The following ITIH5 variants were observed in gnomAD, a reference collection of about 807,000 sequenced individuals.
ITIH5 encodes inter-alpha-trypsin inhibitor heavy chain H5.
A neutral mutation model predicts 77.5 loss-of-function variants in ITIH5; 65 were observed. That is an observed-to-expected ratio of 0.84 (90% confidence interval 0.69 to 1.03). The LOEUF (loss-of-function observed/expected upper bound fraction) is 1.03, where lower values mean the gene tolerates loss of function less well. Among genes scored for constraint, ITIH5 ranks in the 50% least tolerant of loss-of-function variants. The pLI is 0.00. For missense variants in ITIH5, 1,208 were observed against 1,213.1 expected, an observed-to-expected ratio of 1.00 and a Z score of 0.06; for synonymous variants, 525 against 494.3, an observed-to-expected ratio of 1.06 and a Z score of -0.82.
At chr10:7,579,522 T>C (rs1031509714) in intron 9 of ITIH5, among the ~76,000 whole-genome samples, 38 of 145,434 alleles carry the variant, frequency 2.6e-4, no homozygotes, top group Admixed American at 2.3e-3. Context: ...CGAAACTCCA[T>C]CACAAGAAAA....
chr10:7,633,899 C>A (rs1160168951), intron 5 of ITIH5, among the ~76,000 whole-genome samples: 2 of 151,858 alleles, frequency 1.3e-5, no homozygotes, highest in East Asian at 3.9e-4. Context: ...ACCATCCTGG[C>A]TAACACAGTG....
intron 12 of ITIH5, among the ~76,000 whole-genome samples, chr10:7,568,837 C>T (rs1832237709): frequency 6.6e-6 from 1 of 152,116 alleles, no homozygotes; most frequent in African/African-American, 2.4e-5. Flanking sequence ...CATACATGTT[C>T]ACGGCACACA....
chr10:7,569,446 A>G (rs1260812660), intron 12 of ITIH5: 1 of 413,456 alleles, frequency 2.4e-6, no homozygotes, highest in East Asian at 3.5e-5. Context: ...CAAGGGAAAC[A>G]ACTCCCAAGG....
chr10:7,567,319 T>TTTTTTATTA (rs71515477), intron 12 of ITIH5, among the ~76,000 whole-genome samples: 164 of 139,492 alleles, frequency 1.2e-3, no homozygotes, highest in African/African-American at 1.5e-3. Context: ...TCGGACATCT[T>TTTTTTATTA]TTATTATTAT....
At position 7,566,147 on chromosome 10, in the gene ITIH5, T is replaced by C. The variant is rs747291096; in HGVS notation, c.2410A>G (p.Ile804Val). 2 of 1,614,100 alleles carry C rather than the reference T, an allele frequency of 1.2e-6. No homozygotes were observed. The highest frequency in any genetic ancestry group is 2.2e-5 in the East Asian group (1 of 44,880). The stretch of plus-strand genomic sequence containing the variant: ...AGGTGGATGAGGATGACAAAGGCTA[T>C]GGAGCCCTGGATGGTGACGGTGACA... ...ANVTVTIQGS[I>V]AFVILIHLYK... Residue 804 changes from isoleucine (I) to valine (V), a missense_variant, in exon 13 of 14, where the codon ATA becomes GTA. Coordinates refer to ENST00000397146, the MANE Select transcript of ITIH5 (RefSeq NM_030569.7).
chr10:7,563,030 G>T lies in ITIH5; in HGVS notation c.*53C>A. On this transcript the variant is annotated 3_prime_UTR_variant, in exon 14 of 14. Transcript: ENST00000397146. ...CAAGCCATGAAAAGAGCTGCCCCAC[G>T]GCCTCCCCACATCACTGTCCTTCAT... The T allele has an allele frequency of 6.5e-7, 1 of 1,527,588 alleles. No individual in the cohort carries two copies. Among genetic ancestry groups the T allele is most frequent in the Non-Finnish European group, 9.1e-7 (1 of 1,101,706 alleles). The allele number at this position is 1,527,588 out of a possible 1,614,324, so 94.6% of individuals were successfully genotyped here. A position where few individuals can be genotyped will look rare whatever the true frequency, so the allele number is the denominator to read the frequency against.
chr10:7,650,148 G>A (rs913293523), intron 2 of ITIH5, among the ~76,000 whole-genome samples: 1 of 152,198 alleles, frequency 6.6e-6, no homozygotes, highest in Non-Finnish European at 1.5e-5. Flanking sequence ...AGCCACCCGA[G>A]GATGTCCTGA....
At chr10:7,663,622 C>A (rs1337235319) in intron 1 of ITIH5, among the ~76,000 whole-genome samples, 1 of 151,980 alleles carries the variant, frequency 6.6e-6, no homozygotes, top group Non-Finnish European at 1.5e-5. Flanking sequence ...TTTTTTCCTT[C>A]AAGAGGGTCC....
At chr10:7,592,742 T>A (rs772754200) in intron 7 of ITIH5, among the ~76,000 whole-genome samples, 6 of 152,208 alleles carry the variant, frequency 3.9e-5, no homozygotes, top group Non-Finnish European at 8.8e-5. Context: ...TGGGCCCTTC[T>A]CACCCTGGTT....
At chr10:7,574,232 G>A (rs866731054) in intron 10 of ITIH5, among the ~76,000 whole-genome samples, 1 of 152,094 alleles carries the variant, frequency 6.6e-6, no homozygotes, top group African/African-American at 2.4e-5. Context: ...GTTAGTACTA[G>A]GTAAAATTGT....
At chr10:7,597,044 C>CAAACAAAAAAAAAAAAAA (rs1832914591) in intron 7 of ITIH5, among the ~76,000 whole-genome samples, 1 of 36,920 alleles carries the variant, frequency 2.7e-5, no homozygotes, top group Non-Finnish European at 6.3e-5. Context: ...GTCTCCAACT[C>CAAACAAAAAAAAAAAAAA]AAAAAAAAAA....
chr10:7,569,357 A>C (rs1227499069), intron 12 of ITIH5: 3 of 237,204 alleles, frequency 1.3e-5, no homozygotes, highest in African/African-American at 6.7e-5. Flanking sequence ...CATTTAAAAA[A>C]CAACTTCATA....
intron 5 of ITIH5, among the ~76,000 whole-genome samples, chr10:7,634,087 T>G (rs1380415939): frequency 2.9e-5 from 1 of 34,332 alleles, no homozygotes; most frequent in Non-Finnish European, 5.3e-5. Flanking sequence ...AGACTCCGTC[T>G]CAAAAAAAAA....
At chr10:7,629,050 TCCATGTTGTAGCGTGTGC>T (rs1227695945) in intron 5 of ITIH5, among the ~76,000 whole-genome samples, 24 of 140,996 alleles carry the variant, frequency 1.7e-4, no homozygotes, top group African/African-American at 3.7e-4. Context: ...GTAGCGTGTG[TCCATGTTGTAGCGTGTGC>T]CCATGTTGTA....
At chr10:7,637,805 G>A (rs1053651075) in intron 4 of ITIH5, among the ~76,000 whole-genome samples, 2 of 152,176 alleles carry the variant, frequency 1.3e-5, no homozygotes, top group Non-Finnish European at 2.9e-5. Flanking sequence ...GAGCTTTGGA[G>A]TGAAGCTGTG....
Position 7,655,693 on chromosome 10 carries a change from C to G in ITIH5, c.91-18G>C, listed in dbSNP as rs1198687628. On this transcript the variant is annotated intron_variant, in intron 1 of 13. Coordinates refer to ENST00000397146, the MANE Select transcript of ITIH5 (RefSeq NM_030569.7). ...AGTCCATCCTAGAAAAGAGAAGAGA[C>G]TGTTAAAAAGGTGATTTTTAAAAGA... is the stretch of plus-strand genomic sequence containing the variant. 4.4e-6 allele frequency: 7 copies of G among 1,601,720 alleles called. No homozygotes were observed. The South Asian group carries it at 7.7e-5, about 18-fold the overall frequency.
intron 5 of ITIH5, among the ~76,000 whole-genome samples, chr10:7,632,708 T>C (rs899947170): frequency 1.3e-4 from 20 of 152,234 alleles, no homozygotes; most frequent in Non-Finnish European, 7.3e-5. Context: ...AGGGTAGGAC[T>C]TGTCTAGAGT....
chr10:7,664,052 A>T (rs1241197810), intron 1 of ITIH5, among the ~76,000 whole-genome samples: 1 of 152,208 alleles, frequency 6.6e-6, no homozygotes, highest in Non-Finnish European at 1.5e-5. Context: ...TTTTTATACA[A>T]GGGATTTTCT....
intron 7 of ITIH5, among the ~76,000 whole-genome samples, chr10:7,591,385 C>T (rs1009580611): frequency 4.3e-4 from 66 of 152,166 alleles, no homozygotes; most frequent in African/African-American, 1.5e-3. Flanking sequence ...CCTCCTTCCC[C>T]GCCTTCCTGA....
Sources: allele counts gnomAD v4.1 joint callset (sites outside exome capture counted in the v4.1 genomes callset), GRCh38; gene constraint gnomAD v4.1.1; transcripts MANE v1.5; gene names NCBI Gene and HGNC (gene_info 2026-07-23, HGNC 2026-07-21).